Variants in SDK1 observed in about 807,000 individuals in gnomAD.
The protein encoded by SDK1 is protein sidekick-1.
In SDK1, 157 loss-of-function variants were observed where a neutral mutation model predicts 245.5. That is an observed-to-expected ratio of 0.64 (90% CI 0.56 to 0.73). SDK1 has a LOEUF of 0.73. Among genes scored for constraint, SDK1 ranks in the 30% least tolerant of loss-of-function variants. The probability of loss-of-function intolerance (pLI) is 0.00; values close to 1 mark genes in which losing one functional copy is unlikely to be tolerated. For missense variants in SDK1, 3,583 were observed against 3,002.3 expected, an observed-to-expected ratio of 1.19 and a Z score of -4.52; for synonymous variants, 1,647 against 1,278.5, an observed-to-expected ratio of 1.29 and a Z score of -6.15.
At chr7:3,898,763 T>A (rs1018624282) in intron 5 of SDK1, among the ~76,000 whole-genome samples, 2 of 152,184 alleles carry the variant, frequency 1.3e-5, no homozygotes, top group Non-Finnish European at 2.9e-5. Context: ...AACTAAGTCT[T>A]AGTAATTAGA....
intron 5 of SDK1, among the ~76,000 whole-genome samples, chr7:3,848,692 A>G (rs977125311): frequency 2.7e-5 from 4 of 150,812 alleles, no homozygotes; most frequent in Non-Finnish European, 4.4e-5. Flanking sequence ...TTTTTCTGAG[A>G]CAGTGTATTG....
At chr7:3,601,291 G>A (rs151323008) in intron 1 of SDK1, among the ~76,000 whole-genome samples, 1 of 152,160 alleles carries the variant, frequency 6.6e-6, no homozygotes, top group African/African-American at 2.4e-5. Context: ...ATGTACATTG[G>A]TGTTGATTCT....
intron 1 of SDK1, among the ~76,000 whole-genome samples, chr7:3,581,350 G>A (rs1411486164): frequency 6.6e-6 from 1 of 152,182 alleles, no homozygotes; most frequent in Non-Finnish European, 1.5e-5. Flanking sequence ...GACATGAACA[G>A]AAACTTTTCA....
At chr7:4,089,182 C>T (rs1474481407) in intron 22 of SDK1, among the ~76,000 whole-genome samples, 2 of 151,856 alleles carry the variant, frequency 1.3e-5, no homozygotes, top group Non-Finnish European at 2.9e-5. Flanking sequence ...TGGGCATCTG[C>T]AGGATGAGGT....
chr7:4,142,268 C>G (rs1181583024), intron 28 of SDK1, among the ~76,000 whole-genome samples: 1 of 152,082 alleles, frequency 6.6e-6, no homozygotes, highest in African/African-American at 2.4e-5. Context: ...GATGCCTGAA[C>G]TTAACACTGG....
intron 1 of SDK1, among the ~76,000 whole-genome samples, chr7:3,453,822 A>G (rs949754060): frequency 6.6e-6 from 1 of 152,004 alleles, no homozygotes; most frequent in Admixed American, 6.6e-5. Context: ...CTGGACTCAA[A>G]TGATCTCCTG....
chr7:3,702,416 G>C (rs1425588841), intron 4 of SDK1, among the ~76,000 whole-genome samples: 1 of 152,202 alleles, frequency 6.6e-6, no homozygotes, highest in Non-Finnish European at 1.5e-5. Context: ...GATGATGGAA[G>C]TGTGTATTCG....
chr7:3,940,188 G>C (rs1285493620), intron 5 of SDK1, among the ~76,000 whole-genome samples: 1 of 152,080 alleles, frequency 6.6e-6, no homozygotes, highest in Non-Finnish European at 1.5e-5. Context: ...TCAGAAAGCA[G>C]GTGGAGGATG....
rs1315272767 is a variant in SDK1, at chr7:3,697,445, CT to C, written c.713+55342del. On this transcript the variant is annotated intron_variant, in intron 4 of 44. Coordinates refer to ENST00000404826, the MANE Select transcript of SDK1 (RefSeq NM_152744.4). ...TTAGCTAGTAATATGGGGAATCTGT[CT>C]TCAGCTCTGCTTCATTAGAAGTTGG... 9.2e-5 allele frequency among the ~76,000 whole-genome samples: 14 copies of C among 152,316 alleles called. No individual in the cohort carries two copies. In the East Asian group the frequency reaches 2.7e-3, roughly 29 times the overall value.
rs998667034 is a variant in SDK1, at chr7:4,266,072, T to TC, written c.*693dup. ...GTCCTCAGGCTTTTCTGCCTGTCTT[T>TC]CCCCCTTCCTTCTCACCTGACAGCG... On this transcript the variant is annotated 3_prime_UTR_variant, in exon 45 of 45. Coordinates refer to ENST00000404826, the MANE Select transcript of SDK1 (RefSeq NM_152744.4). The TC allele has an allele frequency of 8.9e-5, 88 of 985,290 alleles. 1 individual carries two copies. The highest frequency in any genetic ancestry group is 2.0e-5 in the Non-Finnish European group (17 of 829,980). 61.0% of individuals were successfully genotyped at this position (985,290 alleles called of 1,614,324 possible). A position where few individuals can be genotyped will look rare whatever the true frequency, so the allele number is the denominator to read the frequency against.
At chr7:4,060,170 C>T (rs1562746590) in intron 19 of SDK1, among the ~76,000 whole-genome samples, 1 of 152,156 alleles carries the variant, frequency 6.6e-6, no homozygotes, top group Non-Finnish European at 1.5e-5. Flanking sequence ...CGTGAGCCAC[C>T]ACGCCCGGCC....
chr7:3,766,740 AATG>A (rs1780264722), intron 4 of SDK1, among the ~76,000 whole-genome samples: 1 of 152,230 alleles, frequency 6.6e-6, no homozygotes, highest in Non-Finnish European at 1.5e-5. Context: ...AATAGGAACA[AATG>A]ATGAGATTAG....
In SDK1 at chr7:3,517,080, C is replaced by A. The variant is rs540426097; in HGVS notation, c.299-102000C>A. Reference sequence around the variant, plus strand: ...TGTAGTCTGTATTTTATACATTATTCATAAATGTATGAAAATCATTACTGA... The same window carrying A: ...TGTAGTCTGTATTTTATACATTATTAATAAATGTATGAAAATCATTACTGA... On this transcript the variant is annotated intron_variant, in intron 1 of 44. Transcript: ENST00000404826. 8.5e-5 allele frequency among the ~76,000 whole-genome samples: 13 copies of A among 152,194 alleles called. No individual in the cohort carries two copies. The South Asian group carries it at 1.7e-3, about 19-fold the overall frequency.
chr7:3,930,203 G>C (rs1054213274), intron 5 of SDK1, among the ~76,000 whole-genome samples: 4 of 152,126 alleles, frequency 2.6e-5, no homozygotes, highest in Non-Finnish European at 4.4e-5. Context: ...GAGGTCTGTG[G>C]TGCTGGTTGT....
chr7:4,132,892 C>T (rs1193693961), intron 28 of SDK1, among the ~76,000 whole-genome samples: 1 of 152,180 alleles, frequency 6.6e-6, no homozygotes, highest in Non-Finnish European at 1.5e-5. Flanking sequence ...TGACTGTTTT[C>T]TGAGCTACGT....
At chr7:4,032,501 T>C (rs2342492) in intron 17 of SDK1, among the ~76,000 whole-genome samples, 47,446 of 152,008 alleles carry the variant, frequency 0.31, 11,337 homozygotes, top group African/African-American at 0.68. Context: ...TTGCCACAGC[T>C]GTAGACAAGA....
At chr7:4,135,035 G>C (rs1002582192) in intron 28 of SDK1, among the ~76,000 whole-genome samples, 2 of 152,234 alleles carry the variant, frequency 1.3e-5, no homozygotes, top group Admixed American at 6.5e-5. Context: ...CTCCCTGCAC[G>C]TGTCTACCTG....
intron 4 of SDK1, among the ~76,000 whole-genome samples, chr7:3,736,097 A>G (rs1779311726): frequency 6.6e-6 from 1 of 152,148 alleles, no homozygotes; most frequent in Non-Finnish European, 1.5e-5. Flanking sequence ...AACCCCTTAT[A>G]AAATATATAA....
At chr7:3,365,915 G>T (rs375450986) in intron 1 of SDK1, among the ~76,000 whole-genome samples, 6 of 152,042 alleles carry the variant, frequency 3.9e-5, no homozygotes, top group Non-Finnish European at 8.8e-5. Context: ...GGCGGGCACC[G>T]GTAATCCCAG....
Sources: gnomAD v4.1 joint callset for allele counts (sites outside exome capture counted in the v4.1 genomes callset) on GRCh38, gnomAD v4.1.1 for gene constraint, MANE v1.5 for transcripts, NCBI Gene and HGNC (gene_info 2026-07-23, HGNC 2026-07-21) for gene names.